XXYLT1: variants seen among roughly 807,000 people sequenced by gnomAD.
XXYLT1 encodes xyloside xylosyltransferase 1.
XXYLT1 carries 20 observed loss-of-function variants against 28.9 expected under a neutral mutation model. The ratio of observed to expected loss-of-function variants is 0.69; its 90% CI spans 0.49 to 1.00. The LOEUF (loss-of-function observed/expected upper bound fraction) is 1.00, where lower values mean the gene tolerates loss of function less well. Among genes scored for constraint, XXYLT1 ranks in the 50% least tolerant of loss-of-function variants. XXYLT1 has a pLI of 0.00. For synonymous variants in XXYLT1, 257 were observed against 253.8 expected (o/e 1.01, Z -0.12); for missense variants, 542 against 560.1 (o/e 0.97, Z 0.33).
intron 2 of XXYLT1, among the ~76,000 whole-genome samples, chr3:195,193,721 G>A (rs1232670755): frequency 5.9e-5 from 9 of 152,192 alleles, no homozygotes; most frequent in Admixed American, 5.2e-4. Flanking sequence ...TGGGAATTCA[G>A]AAATAAATCC....
chr3:195,142,392 C>G (rs1719539231), intron 3 of XXYLT1, among the ~76,000 whole-genome samples: 1 of 152,162 alleles, frequency 6.6e-6, no homozygotes, highest in Non-Finnish European at 1.5e-5. Flanking sequence ...TTTGGTTCCC[C>G]CTCTCCTTCC....
rs1265016651 is a variant in XXYLT1 at position 195,270,853 on chromosome 3, G to A, written c.206C>T (p.Pro69Leu). The change falls in exon 1 of 4, where the codon CCC becomes CTC. Residue 69 changes from proline (P) to leucine (L), a missense_variant. Transcript: ENST00000310380. ...RAGAPAAPSP[P>L]ALELARGSVA... ...GGAGCCCCGCGCTAGCTCCAGCGCG[G>A]GCGGCGAGGGCGCGGCGGGAGCCCC... 3.5e-6 allele frequency: 5 copies of A among 1,411,694 alleles called. No individual in the cohort carries two copies. Among genetic ancestry groups the A allele is most frequent in the Non-Finnish European group, 9.2e-7 (1 of 1,087,620 alleles). 87.4% of individuals were successfully genotyped at this position (1,411,694 alleles called of 1,614,324 possible). A position where few individuals can be genotyped will look rare whatever the true frequency, so the allele number is the denominator to read the frequency against.
Position 195,257,584 on chromosome 3 carries a change from C to G in XXYLT1, c.504+12971G>C, listed in dbSNP as rs571221891. 2.6e-5 allele frequency among the ~76,000 whole-genome samples: 4 copies of G among 152,302 alleles called. No homozygotes were observed. In the South Asian group the frequency reaches 8.3e-4, roughly 32 times the overall value. ...TACACCACAACCCCAGGCAGTCCAGCCAGGTGGATCACCATGGCAGCCAGG... is the reference window on the plus strand; with the variant it reads ...TACACCACAACCCCAGGCAGTCCAGGCAGGTGGATCACCATGGCAGCCAGG... On this transcript the variant is annotated intron_variant, in intron 1 of 3. Transcript: ENST00000310380. The surrounding 1 kb of genome is among the most constrained non-coding windows in gnomAD (Gnocchi z 4.3).
At chr3:195,208,198 C>T (rs2108774816) in intron 2 of XXYLT1, among the ~76,000 whole-genome samples, 1 of 152,322 alleles carries the variant, frequency 6.6e-6, no homozygotes, top group South Asian at 2.1e-4. Flanking sequence ...GACACCTATT[C>T]CTTTCTTTTT....
chr3:195,130,905 C>T (rs901306735), intron 3 of XXYLT1, among the ~76,000 whole-genome samples: 1 of 152,066 alleles, frequency 6.6e-6, no homozygotes. Context: ...TTGTCCCATA[C>T]GCTCCGAAAA....
intron 3 of XXYLT1, among the ~76,000 whole-genome samples, chr3:195,112,026 C>G (rs1717745110): frequency 6.6e-6 from 1 of 152,158 alleles, no homozygotes; most frequent in African/African-American, 2.4e-5. Context: ...GCATTACTAT[C>G]GCTGCAGAAA....
At position 195,270,730 on chromosome 3, in the gene XXYLT1, T is replaced by C. The variant is rs1037694050; in HGVS notation, c.329A>G (p.His110Arg). ...GGCCTTGGCCTGCAGCGCGGCATTG[T>C]GCTCCGCCTTGGTGAACATCATCAG... ...HLLMMFTKAE[H>R]NAALQAKARV... Residue 110 changes from histidine to arginine, a missense_variant, in exon 1 of 4, where the codon CAC (histidine) becomes CGC (arginine). By Grantham distance (29) the His-to-Arg change is conservative. Transcript: ENST00000310380. 2.6e-5 allele frequency: 41 copies of C among 1,590,576 alleles called. No individual in the cohort carries two copies. Among genetic ancestry groups the C allele is most frequent in the Non-Finnish European group, 3.4e-5 (40 of 1,172,602 alleles).
chr3:195,243,242 G>A (rs1359372407), intron 1 of XXYLT1, among the ~76,000 whole-genome samples: 1 of 151,932 alleles, frequency 6.6e-6, no homozygotes, highest in Non-Finnish European at 1.5e-5. Context: ...GATAGCATTA[G>A]GAGATACACG....
chr3:195,165,394 G>T (rs1053717759), intron 2 of XXYLT1, among the ~76,000 whole-genome samples: 1 of 152,102 alleles, frequency 6.6e-6, no homozygotes, highest in South Asian at 2.1e-4. Context: ...GAGAACAGCC[G>T]GCTTCTCAGC....
At chr3:195,110,472 GGTGT>G (rs200068091) in intron 3 of XXYLT1, among the ~76,000 whole-genome samples, 2,042 of 136,702 alleles carry the variant, frequency 0.015, 63 homozygotes, top group Middle Eastern at 0.037. Flanking sequence ...GTGTGGGTGA[GGTGT>G]GTGTGTATGT....
chr3:195,127,672 G>A (rs1577059249), intron 3 of XXYLT1, among the ~76,000 whole-genome samples: 1 of 152,236 alleles, frequency 6.6e-6, no homozygotes, highest in South Asian at 2.1e-4. Flanking sequence ...AGCTACTTGG[G>A]AGGCTGAGGC....
In XXYLT1 at chr3:195,176,062, A is replaced by AT. The variant is rs77496081; in HGVS notation, c.653-19482dup. ...CCACACACCTAAAAGATATGACAGA[A>AT]TTTTTTTTTTTTGAGACAGGGTCTC... On this transcript the variant is annotated intron_variant, in intron 2 of 3. Coordinates refer to ENST00000310380, the MANE Select transcript of XXYLT1 (RefSeq NM_152531.5). This position sits in a 1 kb window ranked among gnomAD's most constrained non-coding sequence, Gnocchi z 4.9. Among the ~76,000 whole-genome samples, 361 of 148,088 alleles carry AT rather than the reference A, an allele frequency of 2.4e-3. 7 individuals carry two copies. In the East Asian group the frequency reaches 0.032, roughly 13 times the overall value.
chr3:195,110,918 T>TGC (rs1717673932), intron 3 of XXYLT1, among the ~76,000 whole-genome samples: 1 of 8,176 alleles, frequency 1.2e-4, no homozygotes, highest in African/African-American at 4.1e-4. Flanking sequence ...GTGGTGTGTG[T>TGC]GTGTGGTGTG....
At chr3:195,122,889 T>C (rs529007876) in intron 3 of XXYLT1, among the ~76,000 whole-genome samples, 23 of 152,126 alleles carry the variant, frequency 1.5e-4, no homozygotes, top group African/African-American at 5.5e-4. Context: ...CCCTCTGTGC[T>C]CAGAGACAGG....
chr3:195,226,700 C>G lies in XXYLT1; in HGVS notation c.652+9G>C. 6.2e-7 allele frequency: 1 copy of G among 1,610,074 alleles called. No homozygotes were observed. Among genetic ancestry groups the G allele is most frequent in the Non-Finnish European group, 8.5e-7 (1 of 1,178,774 alleles). ...CCCAGGGGCTATTGCTCCTGGAAGC[C>G]CAGGTTACCTTTGGGCATGATCTGA... On this transcript the variant is annotated intron_variant, in intron 2 of 3. Transcript: ENST00000310380.
Position 195,107,393 on chromosome 3 carries a change from G to C in XXYLT1, c.786-37282C>G, listed in dbSNP as rs537075973. Among the ~76,000 whole-genome samples, 7 of 142,904 alleles carry C rather than the reference G, an allele frequency of 4.9e-5. No individual in the cohort carries two copies. The South Asian group carries it at 1.6e-3, about 32-fold the overall frequency. The allele number at this position is 142,904 out of a possible 152,430, so 93.8% of individuals were successfully genotyped here. On this transcript the variant is annotated intron_variant, in intron 3 of 3. Transcript: ENST00000310380. ...GGAGGCTGAGGGAGGAGAATCGCTTGAACCCAGGAGGTGGAGCTTGCAGTA... is the reference window on the plus strand; with the variant it reads ...GGAGGCTGAGGGAGGAGAATCGCTTCAACCCAGGAGGTGGAGCTTGCAGTA...
At chr3:195,200,545 T>A (rs760874432) in intron 2 of XXYLT1, among the ~76,000 whole-genome samples, 2 of 152,194 alleles carry the variant, frequency 1.3e-5, no homozygotes, top group Admixed American at 6.5e-5. Context: ...TTGCCTTTCA[T>A]GACCAACTTG....
chr3:195,120,359 T>C (rs1178786665), intron 3 of XXYLT1, among the ~76,000 whole-genome samples: 1 of 144,508 alleles, frequency 6.9e-6, no homozygotes, highest in Non-Finnish European at 1.5e-5. Flanking sequence ...CATGGAATCC[T>C]GGCTCCACCA....
At chr3:195,189,901 C>T (rs1173703453) in intron 2 of XXYLT1, among the ~76,000 whole-genome samples, 1 of 152,064 alleles carries the variant, frequency 6.6e-6, no homozygotes, top group Non-Finnish European at 1.5e-5. Flanking sequence ...TACCTAGACA[C>T]AGTATAATCA....
Sources: allele counts gnomAD v4.1 joint callset (sites outside exome capture counted in the v4.1 genomes callset), GRCh38; gene constraint gnomAD v4.1.1; non-coding constraint Gnocchi (gnomAD v3.1); transcripts MANE v1.5; gene names NCBI Gene and HGNC (gene_info 2026-07-23, HGNC 2026-07-21).